The following SVIL variants were observed in gnomAD, a reference collection of about 807,000 sequenced individuals.
SVIL encodes archvillin.
A neutral mutation model predicts 240.4 loss-of-function variants in SVIL; 101 were observed. The ratio of observed to expected loss-of-function variants is 0.42; its 90% CI spans 0.36 to 0.50. SVIL has a LOEUF of 0.50. Among genes scored for constraint, SVIL ranks in the 20% least tolerant of loss-of-function variants. The probability of loss-of-function intolerance (pLI) is 0.01; values close to 1 mark genes in which losing one functional copy is unlikely to be tolerated. For missense variants in SVIL, 2,512 were observed against 2,818.7 expected, an observed-to-expected ratio of 0.89 and a Z score of 2.46; for synonymous variants, 999 against 1,100.0, an observed-to-expected ratio of 0.91 and a Z score of 1.82.
intron 1 of SVIL, among the ~76,000 whole-genome samples, chr10:29,617,062 CACAA>C (rs1957451987): frequency 6.6e-6 from 1 of 152,132 alleles, no homozygotes; most frequent in African/African-American, 2.4e-5. Flanking sequence ...GATGAGTCTG[CACAA>C]ACAAACCTCA....
chr10:29,473,769 G>A (rs1945852456), intron 30 of SVIL, 69 bp downstream of exon 30: 8 of 1,600,902 alleles, frequency 5.0e-6, no homozygotes, highest in Middle Eastern at 1.9e-4. Context: ...GGACCAGGCC[G>A]AGTGCCATCG....
At chr10:29,736,189 C>A (rs1023315033), upstream of SVIL, among the ~76,000 whole-genome samples, 62 of 152,318 alleles carry the variant, frequency 4.1e-4, no homozygotes, top group African/African-American at 1.4e-3. Context: ...GCGCCCGGAG[C>A]CGACCCCCTC....
At chr10:29,669,126 T>C (rs73596074) in intron 2 of SVIL, among the ~76,000 whole-genome samples, 4,114 of 152,140 alleles carry the variant, frequency 0.027, 195 homozygotes, top group African/African-American at 0.094. Context: ...GAAGGGGAAG[T>C]AGATTAAGAG....
intron 1 of SVIL, among the ~76,000 whole-genome samples, chr10:29,584,843 T>C (rs1295520626): frequency 6.6e-6 from 1 of 152,142 alleles, no homozygotes; most frequent in Non-Finnish European, 1.5e-5. Flanking sequence ...TTCAGATACT[T>C]GTCACACCCA....
At chr10:29,529,631 T>C (rs762177236) in intron 12 of SVIL, 74 bp downstream of exon 12, 26 of 1,471,174 alleles carry the variant, frequency 1.8e-5, no homozygotes, top group East Asian at 4.9e-5. Flanking sequence ...CTCATTTTCA[T>C]TGAACACTCT....
chr10:29,682,813 A>G (rs1960770191), intron 2 of SVIL, among the ~76,000 whole-genome samples: 1 of 152,248 alleles, frequency 6.6e-6, no homozygotes, highest in Admixed American at 6.5e-5. Context: ...CCTCATGTTT[A>G]ATGACTATTC....
At chr10:29,509,319 A>C (rs1589042590) in intron 17 of SVIL, among the ~76,000 whole-genome samples, 3 of 75,880 alleles carry the variant, frequency 4.0e-5, no homozygotes, top group East Asian at 4.9e-4. Context: ...GAAAGGGAGA[A>C]GGAGGGGGAG....
intron 1 of SVIL, among the ~76,000 whole-genome samples, chr10:29,728,499 G>A (rs1032796563): frequency 1.3e-5 from 2 of 152,066 alleles, no homozygotes; most frequent in Admixed American, 6.6e-5. Flanking sequence ...AAACAAAGGT[G>A]ACAGCCAAAT....
intron 2 of SVIL, among the ~76,000 whole-genome samples, chr10:29,674,030 T>A (rs1960011839): frequency 6.6e-6 from 1 of 151,766 alleles, no homozygotes; most frequent in Non-Finnish European, 1.5e-5. Flanking sequence ...TTAGCATAAA[T>A]TTTTTTTTGA....
At chr10:29,699,647 C>T (rs750623169) in intron 1 of SVIL, among the ~76,000 whole-genome samples, 4 of 152,186 alleles carry the variant, frequency 2.6e-5, no homozygotes, top group African/African-American at 7.2e-5. Context: ...ACGCTGAAGC[C>T]ATAAAAACTC....
At chr10:29,575,726 T>C (rs1049625809) in intron 1 of SVIL, among the ~76,000 whole-genome samples, 1 of 152,218 alleles carries the variant, frequency 6.6e-6, no homozygotes, top group Non-Finnish European at 1.5e-5. Context: ...CTGAGCTCTA[T>C]AATAATTACA....
At position 29,470,392 on chromosome 10, in the gene SVIL, T is replaced by A. The variant is rs1273410680; in HGVS notation, c.5727A>T (p.Arg1909Ser). ...TGACGTTAAGCACCACCATGGAAGTTCTGGACCTCAGGCTGCTACAGTGAC... is the reference window on the plus strand; with the variant it reads ...TGACGTTAAGCACCACCATGGAAGTACTGGACCTCAGGCTGCTACAGTGAC... ...VACHCSSLRS[R>S]TSMVVLNVNK... The change falls in exon 32 of 38, where the codon AGA becomes AGT. Residue 1909 changes from arginine to serine, a missense_variant. By Grantham distance (110) the Arg-to-Ser change is moderately radical. Coordinates refer to ENST00000355867, the MANE Select transcript of SVIL (RefSeq NM_021738.3). 6.2e-7 allele frequency: 1 copy of A among 1,614,080 alleles called. No homozygotes were observed. Among genetic ancestry groups the A allele is most frequent in the East Asian group, 2.2e-5 (1 of 44,892 alleles).
chr10:29,723,877 AC>A (rs1331470379), intron 1 of SVIL, among the ~76,000 whole-genome samples: 2 of 152,212 alleles, frequency 1.3e-5, no homozygotes, highest in Admixed American at 6.5e-5. Context: ...GAATTTGGCA[AC>A]CAAACAAGAT....
chr10:29,524,864 T>G, intron 13 of SVIL, 149 bp from the exon 14 acceptor site: 1 of 1,238,350 alleles, frequency 8.1e-7, no homozygotes, highest in Admixed American at 2.6e-5. Flanking sequence ...AGGCAGCTGT[T>G]CAGCTACTCA....
At chr10:29,734,618 C>G (rs1964794156) in intron 1 of SVIL, among the ~76,000 whole-genome samples, 1 of 152,084 alleles carries the variant, frequency 6.6e-6, no homozygotes, top group Admixed American at 6.5e-5. Flanking sequence ...AGTGCCTGCC[C>G]TTTCCTTCCA....
At chr10:29,682,944 TAA>T (rs1960780139) in intron 2 of SVIL, among the ~76,000 whole-genome samples, 1 of 152,146 alleles carries the variant, frequency 6.6e-6, no homozygotes, top group African/African-American at 2.4e-5. Context: ...CAGGTGTTGA[TAA>T]AAAGAGTCAG....
intron 1 of SVIL, among the ~76,000 whole-genome samples, chr10:29,603,912 TAC>T (rs1956909202): frequency 2.0e-5 from 3 of 152,324 alleles, no homozygotes. Context: ...AAGCCCACAG[TAC>T]AGTCTTTAAA....
At chr10:29,593,056 T>C (rs1401497434) in intron 1 of SVIL, among the ~76,000 whole-genome samples, 1 of 152,186 alleles carries the variant, frequency 6.6e-6, no homozygotes, top group African/African-American at 2.4e-5. Flanking sequence ...GTGATCCAGG[T>C]TTAAATATTA....
chr10:29,497,433 G>C (rs1339682653), intron 18 of SVIL, among the ~76,000 whole-genome samples: 1 of 152,136 alleles, frequency 6.6e-6, no homozygotes, highest in Non-Finnish European at 1.5e-5. Flanking sequence ...TTTCCTGCAG[G>C]ATATGAAATA....
Sources: gnomAD v4.1 joint callset for allele counts (sites outside exome capture counted in the v4.1 genomes callset) on GRCh38, gnomAD v4.1.1 for gene constraint, MANE v1.5 for transcripts, NCBI Gene and HGNC (gene_info 2026-07-23, HGNC 2026-07-21) for gene names.